Variants in TSPAN9 observed in about 807,000 individuals in gnomAD.
TSPAN9 encodes the protein tetraspanin-9.
A neutral mutation model predicts 31.0 loss-of-function variants in TSPAN9; 16 were observed. The ratio of observed to expected loss-of-function variants is 0.52; its 90% confidence interval spans 0.35 to 0.78. TSPAN9 has a LOEUF of 0.78. Ranked by LOEUF, TSPAN9 falls within the 30% of genes least tolerant of loss-of-function variation. The pLI, the probability that TSPAN9 is intolerant of heterozygous loss-of-function variation, is 0.01. For synonymous variants in TSPAN9, 145 were observed against 121.6 expected (o/e 1.19, Z -1.27); for missense variants, 272 against 312.5 (o/e 0.87, Z 0.98).
At chr12:3,112,755 T>A (rs993170249) in intron 2 of TSPAN9, among the ~76,000 whole-genome samples, 3 of 140,288 alleles carry the variant, frequency 2.1e-5, no homozygotes, top group African/African-American at 5.3e-5. Context: ...TGACCATAGC[T>A]CACTGCAGCC....
At position 3,280,603 on chromosome 12, in the gene TSPAN9, T is replaced by G; in HGVS notation, c.432+120T>G. ...GTGCTTTCTGGATTTTAGCCGGGAGTGGAGTGGTACCCACGGGGGCATTTG... is the reference window on the plus strand; with the variant it reads ...GTGCTTTCTGGATTTTAGCCGGGAGGGGAGTGGTACCCACGGGGGCATTTG... On this transcript the variant is annotated intron_variant, in intron 6 of 8. Transcript: ENST00000011898. The surrounding 1 kb of genome is among the most constrained non-coding windows in gnomAD (Gnocchi z 4.5). 1.1e-6 allele frequency: 1 copy of G among 917,746 alleles called. No homozygotes were observed. The highest frequency in any genetic ancestry group is 1.7e-6 in the Non-Finnish European group (1 of 599,110). The allele number at this position is 917,746 out of a possible 1,614,324, so 56.9% of individuals were successfully genotyped here.
At chr12:3,132,767 C>T (rs1404740475) in intron 2 of TSPAN9, among the ~76,000 whole-genome samples, 4 of 152,120 alleles carry the variant, frequency 2.6e-5, no homozygotes, top group Admixed American at 2.0e-4. Context: ...GCCACCCCTC[C>T]CCAGCCCATG....
chr12:3,237,251 C>T (rs1305900017), intron 3 of TSPAN9, among the ~76,000 whole-genome samples: 2 of 150,590 alleles, frequency 1.3e-5, no homozygotes, highest in Non-Finnish European at 3.0e-5. Flanking sequence ...GTGTCAGCGG[C>T]TCTATAGGAA....
intron 3 of TSPAN9, among the ~76,000 whole-genome samples, chr12:3,241,934 C>T (rs955199803): frequency 1.3e-5 from 2 of 152,242 alleles, no homozygotes; most frequent in Non-Finnish European, 2.9e-5. Context: ...AGTTGGGGCT[C>T]CAGCACACAG....
At chr12:3,241,926 T>C (rs763069292) in intron 3 of TSPAN9, among the ~76,000 whole-genome samples, 6 of 152,160 alleles carry the variant, frequency 3.9e-5, no homozygotes, top group Non-Finnish European at 8.8e-5. Context: ...TGCTTCGGAG[T>C]TGGGGCTCCA....
rs1463217657 is a variant in TSPAN9 at position 3,083,025 on chromosome 12, T to A, written c.-84-628T>A. 2.6e-5 allele frequency among the ~76,000 whole-genome samples: 4 copies of A among 152,238 alleles called. No homozygotes were observed. The East Asian group carries it at 5.8e-4, about 22-fold the overall frequency. ...ATGGGCCTGGCTTTCTCCGGAGTCA[T>A]GTTTCTGCAGAGTCAAATGTTTCCT... On this transcript the variant is annotated intron_variant, in intron 1 of 8. Coordinates refer to ENST00000011898, the MANE Select transcript of TSPAN9 (RefSeq NM_006675.5).
chr12:3,204,524 G>T (rs945905067), intron 3 of TSPAN9, among the ~76,000 whole-genome samples: 1 of 152,166 alleles, frequency 6.6e-6, no homozygotes, highest in Admixed American at 6.5e-5. Context: ...GCCTGTGGGG[G>T]TCCAGGTCTG....
intron 2 of TSPAN9, among the ~76,000 whole-genome samples, chr12:3,136,371 G>A (rs1372262125): frequency 1.3e-5 from 2 of 152,188 alleles, no homozygotes; most frequent in African/African-American, 2.4e-5. Flanking sequence ...CGTGGGGCTC[G>A]ACAGTTTGTG....
At chr12:3,180,899 T>C (rs2098358272) in intron 2 of TSPAN9, among the ~76,000 whole-genome samples, 1 of 152,204 alleles carries the variant, frequency 6.6e-6, no homozygotes, top group South Asian at 2.1e-4. Context: ...TTATTCTATT[T>C]TTCTGTGCAC....
intron 2 of TSPAN9, among the ~76,000 whole-genome samples, chr12:3,097,422 A>G (rs563254040): frequency 6.6e-6 from 1 of 152,350 alleles, no homozygotes; most frequent in East Asian, 1.9e-4. Flanking sequence ...AGAATTGAGC[A>G]GAATGGAAGG....
At chr12:3,241,005 G>A (rs1378021816) in intron 3 of TSPAN9, among the ~76,000 whole-genome samples, 1 of 152,190 alleles carries the variant, frequency 6.6e-6, no homozygotes, top group African/African-American at 2.4e-5. Context: ...ATATGATGGA[G>A]CTTTCTACTA....
At chr12:3,156,349 C>T (rs1272568273) in intron 2 of TSPAN9, among the ~76,000 whole-genome samples, 5 of 152,136 alleles carry the variant, frequency 3.3e-5, no homozygotes, top group Admixed American at 6.6e-5. Context: ...ATGTAGCCCC[C>T]TCCAGGACTG....
intron 3 of TSPAN9, among the ~76,000 whole-genome samples, chr12:3,213,492 C>G (rs2098379826): frequency 6.6e-6 from 1 of 152,154 alleles, no homozygotes; most frequent in African/African-American, 2.4e-5. Context: ...GCTCAGAGGC[C>G]TGGTTGGGGA....
chr12:3,167,952 C>T (rs2098349438), intron 2 of TSPAN9, among the ~76,000 whole-genome samples: 1 of 152,200 alleles, frequency 6.6e-6, no homozygotes, highest in African/African-American at 2.4e-5. Context: ...AGCTCTGGGT[C>T]TTATTCTGCA....
At chr12:3,188,997 G>A (rs999505521) in intron 2 of TSPAN9, among the ~76,000 whole-genome samples, 5 of 152,196 alleles carry the variant, frequency 3.3e-5, no homozygotes, top group Non-Finnish European at 4.4e-5. Flanking sequence ...GCTGGTTGCC[G>A]CAGAGGAGCG....
At chr12:3,113,716 C>T (rs558031844) in intron 2 of TSPAN9, among the ~76,000 whole-genome samples, 9 of 152,268 alleles carry the variant, frequency 5.9e-5, no homozygotes, top group Non-Finnish European at 1.2e-4. Flanking sequence ...TGTGCCAGTT[C>T]GAGAGTGCCA....
chr12:3,153,098 C>A (rs953944006), intron 2 of TSPAN9, among the ~76,000 whole-genome samples: 5 of 152,170 alleles, frequency 3.3e-5, no homozygotes, highest in African/African-American at 1.2e-4. Flanking sequence ...GCAGGGCAGG[C>A]CTTCCTTGAA....
At chr12:3,237,381 G>T (rs1216832218) in intron 3 of TSPAN9, among the ~76,000 whole-genome samples, 6 of 152,170 alleles carry the variant, frequency 3.9e-5, no homozygotes, top group Admixed American at 3.3e-4. Flanking sequence ...ATTCTGTGAG[G>T]CCGTTCTGGT....
chr12:3,138,645 A>AGGG (rs150796927), intron 2 of TSPAN9, among the ~76,000 whole-genome samples: 146,376 of 151,206 alleles, frequency 0.97, 70,988 homozygotes, highest in East Asian at 1. Context: ...AAAAAAAAAA[A>AGGG]GGACTTTTTT....
Sources: gnomAD v4.1 joint callset for allele counts (sites outside exome capture counted in the v4.1 genomes callset) on GRCh38, gnomAD v4.1.1 for gene constraint, Gnocchi (gnomAD v3.1) non-coding constraint, MANE v1.5 for transcripts, NCBI Gene and HGNC (gene_info 2026-07-23, HGNC 2026-07-21) for gene names.